SGCZ: variants seen among roughly 807,000 people sequenced by gnomAD.
SGCZ encodes zeta-sarcoglycan.
SGCZ carries 40 observed loss-of-function variants against 41.3 expected under a neutral mutation model. That is an observed-to-expected ratio of 0.97 (90% CI 0.75 to 1.26). The LOEUF (loss-of-function observed/expected upper bound fraction) is 1.26, where lower values mean the gene tolerates loss of function less well. Among genes scored for constraint, SGCZ ranks in the 50% most tolerant of loss-of-function variants. The pLI, the probability that SGCZ is intolerant of heterozygous loss-of-function variation, is 0.00. For missense variants in SGCZ, 552 were observed against 369.8 expected (o/e 1.49, Z -4.04); for synonymous variants, 206 against 137.5 (o/e 1.50, Z -3.49).
intron 2 of SGCZ, among the ~76,000 whole-genome samples, chr8:14,385,563 G>T (rs1004668239): frequency 5.9e-5 from 9 of 152,104 alleles, no homozygotes; most frequent in Non-Finnish European, 7.3e-5. Context: ...CAACAAAGTG[G>T]GTCCATGAAC....
chr8:14,265,776 A>C (rs969804512), intron 3 of SGCZ, among the ~76,000 whole-genome samples: 50 of 151,918 alleles, frequency 3.3e-4, no homozygotes, highest in African/African-American at 9.7e-4. Context: ...AACAGAGAGA[A>C]TGAAATAAAT....
intron 4 of SGCZ, among the ~76,000 whole-genome samples, chr8:14,219,160 G>C (rs558177535): frequency 6.6e-6 from 1 of 152,158 alleles, no homozygotes; most frequent in African/African-American, 2.4e-5. Context: ...GTGGATTTTT[G>C]ATGACAACCA....
At chr8:14,115,372 T>G (rs1802492103) in intron 5 of SGCZ, among the ~76,000 whole-genome samples, 1 of 151,982 alleles carries the variant, frequency 6.6e-6, no homozygotes, top group South Asian at 2.1e-4. Flanking sequence ...TTTTAACGAG[T>G]TGAAATGCAA....
intron 4 of SGCZ, among the ~76,000 whole-genome samples, chr8:14,179,197 A>C (rs937759985): frequency 9.9e-5 from 15 of 152,208 alleles, no homozygotes; most frequent in African/African-American, 3.4e-4. Context: ...CAACAGTCCC[A>C]TGTGTCCTGT....
At chr8:15,032,801 A>C (rs4503099) in intron 1 of SGCZ, among the ~76,000 whole-genome samples, 101,505 of 151,884 alleles carry the variant, frequency 0.67, 35,483 homozygotes, top group Non-Finnish European at 0.76. Context: ...ACAGCCCTAG[A>C]CATCAGGCTA....
chr8:14,619,522 G>T (rs577591106), intron 1 of SGCZ, among the ~76,000 whole-genome samples: 110 of 152,240 alleles, frequency 7.2e-4, no homozygotes, highest in African/African-American at 2.5e-3. Flanking sequence ...CAGATGACAT[G>T]ACTGTATATC....
At chr8:14,143,131 T>A (rs185624047) in intron 5 of SGCZ, among the ~76,000 whole-genome samples, 16 of 151,782 alleles carry the variant, frequency 1.1e-4, no homozygotes, top group Non-Finnish European at 2.4e-4. Flanking sequence ...ATAATAAAAA[T>A]ATCTCAGGAA....
chr8:14,678,081 T>C (rs770173665), intron 1 of SGCZ, among the ~76,000 whole-genome samples: 4 of 152,122 alleles, frequency 2.6e-5, no homozygotes, highest in Non-Finnish European at 5.9e-5. Context: ...AACACAGAAC[T>C]GTAAAATTTC....
intron 1 of SGCZ, among the ~76,000 whole-genome samples, chr8:14,712,882 G>T (rs889170880): frequency 1.6e-4 from 25 of 151,708 alleles, no homozygotes; most frequent in African/African-American, 5.1e-4. Context: ...TCACATTTTG[G>T]CAATTCCAAA....
intron 1 of SGCZ, among the ~76,000 whole-genome samples, chr8:15,001,390 T>C (rs1425556910): frequency 6.6e-6 from 1 of 152,156 alleles, no homozygotes; most frequent in African/African-American, 2.4e-5. Context: ...GGGATATTTG[T>C]CACAAGGTAT....
At chr8:14,104,533 A>G (rs912911253) in intron 6 of SGCZ, among the ~76,000 whole-genome samples, 2 of 152,196 alleles carry the variant, frequency 1.3e-5, no homozygotes, top group African/African-American at 2.4e-5. Context: ...ATTATTAAAT[A>G]TTAAGCAGAA....
chr8:14,601,067 TATAA>T (rs1805575332), intron 1 of SGCZ, among the ~76,000 whole-genome samples: 1 of 150,308 alleles, frequency 6.7e-6, no homozygotes, highest in African/African-American at 2.4e-5. Flanking sequence ...TATAAAATTA[TATAA>T]ATATTCTATA....
intron 1 of SGCZ, among the ~76,000 whole-genome samples, chr8:14,557,160 T>A (rs1804058060): frequency 6.6e-6 from 1 of 152,122 alleles, no homozygotes; most frequent in African/African-American, 2.4e-5. Flanking sequence ...ATTGTGGTTT[T>A]TATATGCATT....
intron 4 of SGCZ, among the ~76,000 whole-genome samples, chr8:14,233,253 C>T (rs1183882949): frequency 6.6e-6 from 1 of 151,698 alleles, no homozygotes; most frequent in African/African-American, 2.4e-5. Flanking sequence ...ATTACTTCAT[C>T]AAAAATAAAA....
chr8:15,147,901 A>G (rs1291563016), intron 1 of SGCZ, among the ~76,000 whole-genome samples: 1 of 152,334 alleles, frequency 6.6e-6, no homozygotes, highest in Non-Finnish European at 1.5e-5. Flanking sequence ...TATAAAAGGT[A>G]CATTTTTGCT....
chr8:14,099,712 C>T (rs1286455310), intron 7 of SGCZ, among the ~76,000 whole-genome samples: 6 of 151,938 alleles, frequency 3.9e-5, no homozygotes, highest in South Asian at 2.1e-4. Context: ...GCGACAAGAG[C>T]GAGACTCTGT....
chr8:14,740,408 C>A (rs1799166865), intron 1 of SGCZ, among the ~76,000 whole-genome samples: 1 of 151,884 alleles, frequency 6.6e-6, no homozygotes, highest in African/African-American at 2.4e-5. Flanking sequence ...CTTTCCTTTC[C>A]TTTTATAACC....
At position 14,556,390 on chromosome 8, in the gene SGCZ, T is replaced by C. The variant is rs979940019; in HGVS notation, c.40-1464A>G. Among the ~76,000 whole-genome samples, 6 of 151,874 alleles carry C rather than the reference T, an allele frequency of 4.0e-5. No individual in the cohort carries two copies. The South Asian group carries it at 1.2e-3, about 31-fold the overall frequency. ...AATATAAAATATATGTACTATACAA[T>C]TATCATTGTAATGTTCATTGACTCA... On this transcript the variant is annotated intron_variant, in intron 1 of 7. Coordinates refer to ENST00000382080, the MANE Select transcript of SGCZ (RefSeq NM_139167.4).
chr8:14,375,442 A>G (rs1375980306), intron 2 of SGCZ, among the ~76,000 whole-genome samples: 1 of 152,164 alleles, frequency 6.6e-6, no homozygotes, highest in Non-Finnish European at 1.5e-5. Flanking sequence ...AAGGTTGACT[A>G]ACTACCTATT....
Sources: allele counts gnomAD v4.1 joint callset (sites outside exome capture counted in the v4.1 genomes callset), GRCh38; gene constraint gnomAD v4.1.1; transcripts MANE v1.5; gene names NCBI Gene and HGNC (gene_info 2026-07-23, HGNC 2026-07-21).